Variants in RAP1GDS1 observed in about 807,000 individuals in gnomAD.
The protein encoded by RAP1GDS1 is RAP1, GTP-GDP dissociation stimulator 1.
A neutral mutation model predicts 71.1 loss-of-function variants in RAP1GDS1; 35 were observed. The ratio of observed to expected loss-of-function variants is 0.49; its 90% confidence interval spans 0.38 to 0.65. The LOEUF is 0.65. RAP1GDS1 is among the 30% of genes least tolerant of loss of function. RAP1GDS1 has a pLI of 0.00. For missense variants in RAP1GDS1, 663 were observed against 706.1 expected (o/e 0.94, Z 0.69); for synonymous variants, 229 against 243.1 (o/e 0.94, Z 0.54).
intron 7 of RAP1GDS1, among the ~76,000 whole-genome samples, chr4:98,406,859 T>A (rs1268425163): frequency 1.3e-5 from 2 of 152,104 alleles, no homozygotes; most frequent in Non-Finnish European, 2.9e-5. Context: ...TATGTTTACA[T>A]GGTAAGAAAT....
At chr4:98,293,305 T>C in intron 1 of RAP1GDS1, 103 bp from the exon 2 acceptor site, 1 of 727,908 alleles carries the variant, frequency 1.4e-6, no homozygotes, top group African/African-American at 1.8e-5. Flanking sequence ...TAATTTGCTA[T>C]TATAGGAAGC....
chr4:98,341,840 A>G (rs924677804), intron 2 of RAP1GDS1, among the ~76,000 whole-genome samples: 11 of 152,214 alleles, frequency 7.2e-5, no homozygotes, highest in Admixed American at 2.0e-4. Flanking sequence ...AAGGGGTACA[A>G]GGAGCAGTGG....
At chr4:98,287,117 A>T (rs1451605275) in intron 1 of RAP1GDS1, among the ~76,000 whole-genome samples, 1 of 152,094 alleles carries the variant, frequency 6.6e-6, no homozygotes, top group Non-Finnish European at 1.5e-5. Flanking sequence ...GATTTACTAA[A>T]TTTTCACTAT....
chr4:98,324,006 T>G (rs996661827), intron 2 of RAP1GDS1, among the ~76,000 whole-genome samples: 2 of 150,216 alleles, frequency 1.3e-5, no homozygotes, highest in Non-Finnish European at 2.9e-5. Flanking sequence ...GACGACATGA[T>G]TGTTTATCTA....
chr4:98,337,245 C>G (rs750754206), intron 2 of RAP1GDS1, among the ~76,000 whole-genome samples: 49 of 152,182 alleles, frequency 3.2e-4, no homozygotes, highest in Non-Finnish European at 1.3e-4. Context: ...TTGCTTTTCT[C>G]TCATTTAATC....
At chr4:98,404,394 G>T in intron 6 of RAP1GDS1, 83 bp from the exon 7 acceptor site, 5 of 1,301,892 alleles carry the variant, frequency 3.8e-6, no homozygotes, top group Non-Finnish European at 5.2e-6. Context: ...ATCAGTAATG[G>T]TACAAAATAA....
In RAP1GDS1 at chr4:98,274,550, C is replaced by G. The variant is rs544384227; in HGVS notation, c.4+12981C>G. ...CTTTCACAAACTTTGTAAATTTGTT[C>G]AACTAAACCTTTTTCTGGTCTTCAT... On this transcript the variant is annotated intron_variant, in intron 1 of 14. Transcript: ENST00000408927. Among the ~76,000 whole-genome samples, 4 of 152,196 alleles carry G rather than the reference C, an allele frequency of 2.6e-5. No individual in the cohort carries two copies. In the East Asian group the frequency reaches 7.7e-4, roughly 29 times the overall value.
intron 2 of RAP1GDS1, among the ~76,000 whole-genome samples, chr4:98,324,860 G>A (rs2110350408): frequency 6.6e-6 from 1 of 152,094 alleles, no homozygotes; most frequent in Non-Finnish European, 1.5e-5. Context: ...CATAAGCGTG[G>A]GCAAGGACTT....
chr4:98,270,081 TG>T (rs1297897065), intron 1 of RAP1GDS1, among the ~76,000 whole-genome samples: 7 of 152,138 alleles, frequency 4.6e-5, no homozygotes, highest in African/African-American at 9.7e-5. Flanking sequence ...CTAGTTGCTG[TG>T]TCCTCCAAAG....
chr4:98,440,448 G>A (rs2110231915), intron 14 of RAP1GDS1, among the ~76,000 whole-genome samples: 1 of 152,140 alleles, frequency 6.6e-6, no homozygotes, highest in African/African-American at 2.4e-5. Flanking sequence ...CACAGTGGCT[G>A]GACCATTGTA....
At chr4:98,408,966 T>C (rs1221820665) in intron 7 of RAP1GDS1, among the ~76,000 whole-genome samples, 1 of 152,138 alleles carries the variant, frequency 6.6e-6, no homozygotes, top group African/African-American at 2.4e-5. Flanking sequence ...TGCTTTGAGA[T>C]TGGGACAAGA....
At chr4:98,371,775 T>C (rs566399663) in intron 4 of RAP1GDS1, among the ~76,000 whole-genome samples, 1 of 152,282 alleles carries the variant, frequency 6.6e-6, no homozygotes, top group African/African-American at 2.4e-5. Context: ...CTTTTTCTGA[T>C]GTCTACTATG....
intron 3 of RAP1GDS1, among the ~76,000 whole-genome samples, chr4:98,343,604 T>A (rs1291533673): frequency 6.6e-6 from 1 of 152,238 alleles, no homozygotes; most frequent in Non-Finnish European, 1.5e-5. Context: ...TTTAAATATT[T>A]ATGTTTGTTT....
At chr4:98,392,916 G>T (rs1362618689) in intron 6 of RAP1GDS1, among the ~76,000 whole-genome samples, 2 of 152,032 alleles carry the variant, frequency 1.3e-5, no homozygotes, top group Non-Finnish European at 2.9e-5. Context: ...GACCAATGCT[G>T]GAAACACATC....
At chr4:98,363,600 G>C (rs1186980437) in intron 4 of RAP1GDS1, among the ~76,000 whole-genome samples, 3 of 151,604 alleles carry the variant, frequency 2.0e-5, no homozygotes, top group Admixed American at 2.0e-4. Context: ...AGGGAGTATT[G>C]TGTGATAAAG....
At chr4:98,418,595 T>TA in intron 9 of RAP1GDS1, 62 bp from the exon 10 acceptor site, 1 of 1,407,844 alleles carries the variant, frequency 7.1e-7, no homozygotes, top group Non-Finnish European at 9.6e-7. Flanking sequence ...CAGACATCAG[T>TA]ATTATAAAGT....
At chr4:98,334,731 A>G (rs1420103331) in intron 2 of RAP1GDS1, among the ~76,000 whole-genome samples, 1 of 152,126 alleles carries the variant, frequency 6.6e-6, no homozygotes, top group Non-Finnish European at 1.5e-5. Context: ...ATTGTTAGTC[A>G]GGCAAACCTA....
intron 6 of RAP1GDS1, 99 bp downstream of exon 6, chr4:98,392,179 G>T (rs1578706422): frequency 2.1e-5 from 24 of 1,125,790 alleles, no homozygotes; most frequent in Non-Finnish European, 2.9e-5. Flanking sequence ...CATTTAGATT[G>T]TATTAGTTTA....
intron 1 of RAP1GDS1, among the ~76,000 whole-genome samples, chr4:98,280,236 G>A (rs1302754061): frequency 3.3e-5 from 5 of 152,176 alleles, no homozygotes; most frequent in Admixed American, 6.5e-5. Flanking sequence ...CAGTGTAAAA[G>A]CATTCTTATT....
Sources: allele counts gnomAD v4.1 joint callset (sites outside exome capture counted in the v4.1 genomes callset), GRCh38; gene constraint gnomAD v4.1.1; transcripts MANE v1.5; gene names NCBI Gene and HGNC (gene_info 2026-07-23, HGNC 2026-07-21).